The following SLC25A20 variants were observed in gnomAD, a reference collection of about 807,000 sequenced individuals.
SLC25A20 encodes mitochondrial carnitine/acylcarnitine carrier protein.
Under a neutral mutation model 39.7 loss-of-function variants are expected in SLC25A20, and 29 were observed. The observed-to-expected ratio is 0.73, with a 90% CI of 0.54 to 1.00. The LOEUF is 1.00. SLC25A20 is among the 50% of genes least tolerant of loss of function. SLC25A20 has a pLI of 0.00. For synonymous variants in SLC25A20, 103 were observed against 142.2 expected, an observed-to-expected ratio of 0.72 and a Z score of 1.96; for missense variants, 333 against 379.9, an observed-to-expected ratio of 0.88 and a Z score of 1.03.
rs375734246 is a variant in SLC25A20 at position 48,873,138 on chromosome 3, C to T, written c.417+6220G>A. 1.9e-4 allele frequency among the ~76,000 whole-genome samples: 28 copies of T among 150,304 alleles called. No homozygotes were observed. The East Asian group carries it at 3.2e-3, about 17-fold the overall frequency. ...ACTGGGGAGGCTGAGGCAGGAGAAT[C>T]GCTTGAATCTGGGAGGCAGGGGTTG... On this transcript the variant is annotated intron_variant, in intron 4 of 8. Transcript: ENST00000319017.
intron 1 of SLC25A20, among the ~76,000 whole-genome samples, chr3:48,895,025 T>A (rs1033593151): frequency 4.5e-5 from 4 of 88,908 alleles, no homozygotes; most frequent in Admixed American, 1.3e-4. Flanking sequence ...TTATTTATTT[T>A]TTGAGATGTA....
chr3:48,876,234 G>A (rs1464045914), intron 4 of SLC25A20, among the ~76,000 whole-genome samples: 3 of 146,332 alleles, frequency 2.1e-5, no homozygotes, highest in African/African-American at 7.6e-5. Context: ...CTCAGCTACT[G>A]GGGAGGCTGA....
chr3:48,861,081 C>A (rs1190872765), intron 5 of SLC25A20, among the ~76,000 whole-genome samples: 1 of 152,036 alleles, frequency 6.6e-6, no homozygotes, highest in South Asian at 2.1e-4. Context: ...CCCGCCTCGG[C>A]CTCCCAAAGT....
intron 1 of SLC25A20, among the ~76,000 whole-genome samples, chr3:48,893,619 C>T (rs558734931): frequency 7.3e-5 from 11 of 151,504 alleles, no homozygotes; most frequent in Admixed American, 1.3e-4. Context: ...CTGCCACTTT[C>T]GCCTCCCAGG....
Position 48,862,491 on chromosome 3 carries a change from C to CA in SLC25A20, c.535+50dup, listed in dbSNP as rs758106457. ...CAGGCAAGACCTTCTGCAGCAGACC[C>CA]ACCTCAGGTGACCTCCCCAGGTGAC... On this transcript the variant is annotated intron_variant, in intron 5 of 8. Transcript: ENST00000319017. 6.9e-6 allele frequency: 8 copies of CA among 1,159,794 alleles called. No homozygotes were observed. The East Asian group carries it at 1.6e-4, about 24-fold the overall frequency. The allele number at this position is 1,159,794 out of a possible 1,614,324, so 71.8% of individuals were successfully genotyped here.
At chr3:48,859,001 T>C (rs2083602333) in intron 7 of SLC25A20, 91 bp downstream of exon 7, 1 of 972,682 alleles carries the variant, frequency 1.0e-6, no homozygotes, top group Admixed American at 2.0e-5. Context: ...GGAGAGTGAG[T>C]ATCCCTAGGG....
In SLC25A20 at chr3:48,866,792, AT is replaced by A. The variant is rs1011257070; in HGVS notation, c.418-4134del. Among the ~76,000 whole-genome samples the A allele has an allele frequency of 4.4e-4, 65 of 147,632 alleles. 1 individual carries two copies. Among genetic ancestry groups the A allele is most frequent in the Non-Finnish European group, 8.0e-4 (53 of 66,602 alleles). On this transcript the variant is annotated intron_variant, in intron 4 of 8. Coordinates refer to ENST00000319017, the MANE Select transcript of SLC25A20 (RefSeq NM_000387.6). The stretch of plus-strand genomic sequence containing the variant: ...GCTACAGGTGCATGCCACCACACCT[AT>A]TTTTTTTTTCTTTTTTTGAGACGGA...
chr3:48,895,707 T>C (rs370971167), intron 1 of SLC25A20: 1 of 451,744 alleles, frequency 2.2e-6, no homozygotes. Flanking sequence ...GACACGTAAG[T>C]CTGAGGGGTT....
intron 1 of SLC25A20, among the ~76,000 whole-genome samples, chr3:48,893,014 T>C (rs1477411924): frequency 6.6e-6 from 1 of 151,912 alleles, no homozygotes; most frequent in Non-Finnish European, 1.5e-5. Flanking sequence ...CAATACTTAT[T>C]ATCTTTATAT....
In SLC25A20 at chr3:48,875,599, G is replaced by A. The variant is rs1373843813; in HGVS notation, c.417+3759C>T. 2.0e-5 allele frequency among the ~76,000 whole-genome samples: 3 copies of A among 152,050 alleles called. 1 individual carries two copies. Among genetic ancestry groups the A allele is most frequent in the Middle Eastern group, 6.3e-3 (2 of 316 alleles). ...TAATTTTTGTATTTTTGGTAGAGAC[G>A]GGGTTTCTCCATATAGGCCAAGCAG... is the stretch of plus-strand genomic sequence containing the variant. On this transcript the variant is annotated intron_variant, in intron 4 of 8. Coordinates refer to ENST00000319017, the MANE Select transcript of SLC25A20 (RefSeq NM_000387.6).
intron 1 of SLC25A20, among the ~76,000 whole-genome samples, chr3:48,897,584 A>G (rs1041148380): frequency 1.3e-5 from 2 of 151,978 alleles, no homozygotes; most frequent in African/African-American, 4.8e-5. Context: ...TAGCCAGTCC[A>G]GCTACTTTAA....
intron 3 of SLC25A20, among the ~76,000 whole-genome samples, chr3:48,883,685 A>G (rs2083810768): frequency 8.0e-6 from 1 of 125,230 alleles, no homozygotes; most frequent in Admixed American, 1.0e-4. Flanking sequence ...CAGTGGTGCC[A>G]TCTCGGCTCA....
intron 2 of SLC25A20, among the ~76,000 whole-genome samples, chr3:48,884,625 T>C (rs934454461): frequency 2.9e-4 from 44 of 152,274 alleles, no homozygotes; most frequent in African/African-American, 9.9e-4. Flanking sequence ...GCTGGGATTA[T>C]AGGCATAAGC....
At chr3:48,876,983 C>G (rs892042604) in intron 4 of SLC25A20, among the ~76,000 whole-genome samples, 3 of 151,848 alleles carry the variant, frequency 2.0e-5, no homozygotes. Context: ...GTAGTCCCAC[C>G]TACTAGGGAG....
At chr3:48,875,379 C>T (rs947322713) in intron 4 of SLC25A20, among the ~76,000 whole-genome samples, 3 of 152,088 alleles carry the variant, frequency 2.0e-5, no homozygotes, top group Admixed American at 2.0e-4. Flanking sequence ...GGATTACTGG[C>T]GTGAGCCACC....
At chr3:48,870,283 C>T (rs1331831999) in intron 4 of SLC25A20, among the ~76,000 whole-genome samples, 1 of 152,118 alleles carries the variant, frequency 6.6e-6, no homozygotes, top group East Asian at 1.9e-4. Context: ...AACCTGTAGT[C>T]CCAGCTACGC....
chr3:48,867,411 A>AT lies in SLC25A20; in HGVS notation c.418-4753dup, dbSNP rs58122933. Among the ~76,000 whole-genome samples, 782 of 108,390 alleles carry AT rather than the reference A, an allele frequency of 7.2e-3. 49 individuals carry two copies. The East Asian group carries it at 0.087, about 12-fold the overall frequency. 71.1% of individuals were successfully genotyped at this position (108,390 alleles called of 152,430 possible). On this transcript the variant is annotated intron_variant, in intron 4 of 8. Transcript: ENST00000319017. Reference sequence around the variant, plus strand: ...CAGGATGCGCCACCATGCCTGGGTAATTTTTTTTTTTTTTTGTATTTTTAG... The same window carrying AT: ...CAGGATGCGCCACCATGCCTGGGTAATTTTTTTTTTTTTTTTGTATTTTTAG...
chr3:48,864,742 G>GT (rs2083653413), intron 4 of SLC25A20, among the ~76,000 whole-genome samples: 1 of 152,098 alleles, frequency 6.6e-6, no homozygotes, highest in African/African-American at 2.4e-5. Flanking sequence ...TGTTATGTAT[G>GT]TACAGACTAT....
intron 4 of SLC25A20, among the ~76,000 whole-genome samples, chr3:48,877,344 G>GCTCAC (rs2083766090): frequency 1.3e-5 from 2 of 151,960 alleles, no homozygotes; most frequent in Non-Finnish European, 2.9e-5. Context: ...AACCCAAGAG[G>GCTCAC]CGGAGGTTGC....
Sources: allele counts gnomAD v4.1 joint callset (sites outside exome capture counted in the v4.1 genomes callset), GRCh38; gene constraint gnomAD v4.1.1; transcripts MANE v1.5; gene names NCBI Gene and HGNC (gene_info 2026-07-23, HGNC 2026-07-21).